The following IGSF11 variants were observed in gnomAD, a reference collection of about 807,000 sequenced individuals.
IGSF11 encodes the protein immunoglobulin superfamily member 11.
IGSF11 carries 22 observed loss-of-function variants against 41.0 expected under a neutral mutation model. The observed-to-expected ratio is 0.54, with a 90% CI of 0.38 to 0.77. IGSF11 has a LOEUF of 0.77. IGSF11 is among the 30% of genes least tolerant of loss of function. The probability of loss-of-function intolerance (pLI) is 0.00; values close to 1 mark genes in which losing one functional copy is unlikely to be tolerated. For missense variants in IGSF11, 444 were observed against 530.8 expected (o/e 0.84, Z 1.61); for synonymous variants, 219 against 201.3 (o/e 1.09, Z -0.74).
chr3:119,112,962 A>T (rs1012080394), intron 1 of IGSF11, among the ~76,000 whole-genome samples: 11 of 152,230 alleles, frequency 7.2e-5, no homozygotes, highest in African/African-American at 2.7e-4. Context: ...GGAAGCAGAC[A>T]TGTCCTACAT....
intron 1 of IGSF11, among the ~76,000 whole-genome samples, chr3:118,956,988 G>C (rs1323697729): frequency 1.3e-5 from 2 of 152,016 alleles, no homozygotes; most frequent in Non-Finnish European, 2.9e-5. Context: ...AAGAGGAATT[G>C]GCTCACTAGA....
chr3:118,910,796 A>G (rs1419577494), intron 4 of IGSF11, among the ~76,000 whole-genome samples: 1 of 152,190 alleles, frequency 6.6e-6, no homozygotes, highest in African/African-American at 2.4e-5. Flanking sequence ...TTGCAAGCAT[A>G]GTTCCCTGTA....
At chr3:119,032,574 G>A (rs1234641967) in intron 1 of IGSF11, among the ~76,000 whole-genome samples, 1 of 152,080 alleles carries the variant, frequency 6.6e-6, no homozygotes, top group Non-Finnish European at 1.5e-5. Flanking sequence ...TGCTCTAGCA[G>A]CTTGGCCTTT....
intron 1 of IGSF11, among the ~76,000 whole-genome samples, chr3:119,041,971 T>G (rs936140926): frequency 3.9e-5 from 6 of 152,078 alleles, no homozygotes; most frequent in Non-Finnish European, 8.8e-5. Context: ...TTGACAAGAA[T>G]GATAGGAGAA....
At chr3:119,053,621 C>T (rs560277635) in intron 1 of IGSF11, among the ~76,000 whole-genome samples, 2 of 152,158 alleles carry the variant, frequency 1.3e-5, no homozygotes, top group Non-Finnish European at 2.9e-5. Flanking sequence ...AATGCAATGC[C>T]CATCAAAATA....
At chr3:119,127,685 A>G (rs1040436153) in intron 1 of IGSF11, among the ~76,000 whole-genome samples, 1 of 152,238 alleles carries the variant, frequency 6.6e-6, no homozygotes, top group Non-Finnish European at 1.5e-5. Context: ...AGGGAAGCCC[A>G]TCAGACTAAC....
intron 1 of IGSF11, chr3:118,947,308 C>T (rs771420744): frequency 3.3e-5 from 5 of 152,124 alleles, no homozygotes; most frequent in African/African-American, 4.8e-5. Context: ...CAAACATATA[C>T]GTGCACAATC....
At chr3:118,922,871 A>G (rs1941951293) in intron 4 of IGSF11, among the ~76,000 whole-genome samples, 1 of 152,058 alleles carries the variant, frequency 6.6e-6, no homozygotes, top group Non-Finnish European at 1.5e-5. Flanking sequence ...TCTGGGACCA[A>G]CTCAGTTCTT....
chr3:118,960,872 C>A (rs568682556), intron 1 of IGSF11, among the ~76,000 whole-genome samples: 80 of 152,312 alleles, frequency 5.3e-4, no homozygotes, highest in Admixed American at 9.8e-4. Context: ...ATTTAATCAT[C>A]CTTGGGAACC....
At chr3:119,071,077 A>G (rs567954903) in intron 1 of IGSF11, among the ~76,000 whole-genome samples, 1 of 152,306 alleles carries the variant, frequency 6.6e-6, no homozygotes, top group South Asian at 2.1e-4. Context: ...CTTACACAAG[A>G]GTGAAAGAAC....
rs749570994 is a variant in IGSF11 at position 118,904,726 on chromosome 3, G to T, written c.776C>A (p.Ala259Glu). ...TGAVIIIFCI[A>E]LILGAFFYWR... ...GTAAAAGAATGCCCCTAAAATTAGT[G>T]CAATGCAAAAAATGATAATAACTGC... Residue 259 changes from alanine to glutamate, a missense_variant, in exon 6 of 7, where the codon GCA (alanine) becomes GAA (glutamate). Transcript: ENST00000393775. 1.2e-6 allele frequency: 2 copies of T among 1,612,994 alleles called. No homozygotes were observed. Among genetic ancestry groups the T allele is most frequent in the Admixed American group, 3.3e-5 (2 of 59,984 alleles).
At chr3:119,078,107 C>T (rs1341997555) in intron 1 of IGSF11, among the ~76,000 whole-genome samples, 3 of 152,124 alleles carry the variant, frequency 2.0e-5, no homozygotes, top group Non-Finnish European at 4.4e-5. Context: ...GAGCAATTTA[C>T]AGATTTAATA....
At chr3:118,969,737 A>G (rs74782536) in intron 1 of IGSF11, among the ~76,000 whole-genome samples, 3,742 of 152,258 alleles carry the variant, frequency 0.025, 85 homozygotes, top group East Asian at 0.066. Flanking sequence ...GGTAATCTCA[A>G]TTTCTGGTTT....
upstream of IGSF11, among the ~76,000 whole-genome samples, chr3:119,037,529 A>G (rs910323721): frequency 6.6e-6 from 1 of 152,228 alleles, no homozygotes; most frequent in Non-Finnish European, 1.5e-5. Context: ...AGAGAGTTAT[A>G]GTTGGTCTAC....
intron 1 of IGSF11, among the ~76,000 whole-genome samples, chr3:119,004,909 T>A (rs1338329620): frequency 6.6e-6 from 1 of 152,040 alleles, no homozygotes; most frequent in Non-Finnish European, 1.5e-5. Context: ...GGAATAGGTG[T>A]GGTGTGGTGC....
chr3:119,034,112 A>G (rs1015809639), intron 1 of IGSF11, among the ~76,000 whole-genome samples: 2 of 152,240 alleles, frequency 1.3e-5, no homozygotes, highest in Non-Finnish European at 2.9e-5. Context: ...TTAAAGCTAT[A>G]AAGTTTTCCA....
intron 4 of IGSF11, among the ~76,000 whole-genome samples, chr3:118,915,901 G>A (rs747755948): frequency 0.018 from 1,864 of 104,808 alleles, 58 homozygotes; most frequent in Non-Finnish European, 0.028. Flanking sequence ...GACTAACAGC[G>A]GATCTCTTGG....
intron 4 of IGSF11, among the ~76,000 whole-genome samples, chr3:118,911,055 T>C (rs1940208036): frequency 6.6e-6 from 1 of 152,160 alleles, no homozygotes; most frequent in South Asian, 2.1e-4. Context: ...TCCTTGTATT[T>C]CTCCACCTGC....
intron 1 of IGSF11, among the ~76,000 whole-genome samples, chr3:119,083,219 G>A (rs760977139): frequency 3.4e-5 from 5 of 146,010 alleles, no homozygotes; most frequent in East Asian, 4.0e-4. Context: ...CCTCGACTTC[G>A]TGGGCTCAGC....
Sources: gnomAD v4.1 joint callset for allele counts (sites outside exome capture counted in the v4.1 genomes callset) on GRCh38, gnomAD v4.1.1 for gene constraint, MANE v1.5 for transcripts, NCBI Gene and HGNC (gene_info 2026-07-23, HGNC 2026-07-21) for gene names.